TYW1: variants seen among roughly 807,000 people sequenced by gnomAD.
TYW1 encodes the protein tRNA-yW synthesizing protein 1 homolog, also known as S-adenosyl-L-methionine-dependent tRNA 4-demethylwyosine synthase TYW1.
TYW1 carries 46 observed loss-of-function variants against 96.2 expected under a neutral mutation model. The observed-to-expected ratio is 0.48, with a 90% CI of 0.38 to 0.61. The LOEUF is 0.61. Among genes scored for constraint, TYW1 ranks in the 20% least tolerant of loss-of-function variants. TYW1 has a pLI of 0.00. For synonymous variants in TYW1, 274 were observed against 323.0 expected, an observed-to-expected ratio of 0.85 and a Z score of 1.63; for missense variants, 684 against 909.6, an observed-to-expected ratio of 0.75 and a Z score of 3.19.
At chr7:67,203,805 C>T (rs1800677107) in intron 15 of TYW1, among the ~76,000 whole-genome samples, 1 of 152,154 alleles carries the variant, frequency 6.6e-6, no homozygotes, top group South Asian at 2.1e-4. Context: ...TAGCAATTCT[C>T]TTAGAGCCAG....
intron 15 of TYW1, among the ~76,000 whole-genome samples, chr7:67,200,278 GT>G (rs1434299699): frequency 6.6e-6 from 1 of 152,016 alleles, no homozygotes; most frequent in Non-Finnish European, 1.5e-5. Flanking sequence ...ACAAAGATGA[GT>G]AAACAATGGT....
chr7:67,138,442 A>C (rs1268316187), intron 13 of TYW1, among the ~76,000 whole-genome samples: 4 of 152,154 alleles, frequency 2.6e-5, no homozygotes, highest in African/African-American at 9.7e-5. Flanking sequence ...TGTGGTATCT[A>C]TCCCCTCCAG....
chr7:67,211,898 TCATA>T (rs1399896069), intron 15 of TYW1, among the ~76,000 whole-genome samples: 1 of 152,234 alleles, frequency 6.6e-6, no homozygotes, highest in Non-Finnish European at 1.5e-5. Context: ...CGAGATTATT[TCATA>T]CATTTGTAAT....
At chr7:67,195,046 C>G in intron 14 of TYW1, 124 bp from the exon 15 acceptor site, 1 of 1,094,872 alleles carries the variant, frequency 9.1e-7, no homozygotes, top group Admixed American at 2.7e-5. Flanking sequence ...TCACTTCCTT[C>G]ACTGTAAAAT....
chr7:67,123,607 G>C (rs1164984054), intron 13 of TYW1, among the ~76,000 whole-genome samples: 2 of 124,790 alleles, frequency 1.6e-5, no homozygotes, highest in Non-Finnish European at 3.6e-5. Context: ...GTGTAGATCT[G>C]AAAGTCATCT....
At chr7:67,088,547 G>C (rs974351270) in intron 11 of TYW1, among the ~76,000 whole-genome samples, 3 of 152,126 alleles carry the variant, frequency 2.0e-5, no homozygotes, top group East Asian at 3.9e-4. Flanking sequence ...CTGTTCTCTT[G>C]GCAGCAAGTA....
chr7:67,227,588 G>A (rs4718490), intron 15 of TYW1, among the ~76,000 whole-genome samples: 39,411 of 150,142 alleles, frequency 0.26, 5,486 homozygotes, highest in African/African-American at 0.35. Flanking sequence ...CAACCAAATG[G>A]TTTCATATAG....
At chr7:67,061,338 C>T (rs546384626) in intron 9 of TYW1, among the ~76,000 whole-genome samples, 3 of 152,272 alleles carry the variant, frequency 2.0e-5, no homozygotes, top group African/African-American at 7.2e-5. Flanking sequence ...CCAGTCTACA[C>T]GTAGATAACA....
chr7:67,077,837 T>C (rs1480555096), intron 10 of TYW1, among the ~76,000 whole-genome samples: 1 of 152,236 alleles, frequency 6.6e-6, no homozygotes, highest in African/African-American at 2.4e-5. Flanking sequence ...TCCTAAAGTG[T>C]TTCCTCTGTG....
intron 8 of TYW1, among the ~76,000 whole-genome samples, chr7:67,050,509 C>T (rs533568389): frequency 9.2e-5 from 14 of 152,062 alleles, no homozygotes; most frequent in African/African-American, 2.2e-4. Flanking sequence ...ATCAGTAGAC[C>T]GACCTCCTTT....
chr7:67,094,375 G>A (rs1420480352), intron 11 of TYW1, among the ~76,000 whole-genome samples: 1 of 151,930 alleles, frequency 6.6e-6, no homozygotes, highest in East Asian at 1.9e-4. Context: ...CCCGGTAATG[G>A]GTTGCTAGGT....
chr7:67,008,562 G>T lies in TYW1; in HGVS notation c.274-1021G>T, dbSNP rs543834275. Among the ~76,000 whole-genome samples the T allele has an allele frequency of 7.2e-5, 11 of 152,220 alleles. No homozygotes were observed. In the East Asian group the frequency reaches 2.1e-3, roughly 29 times the overall value. On this transcript the variant is annotated intron_variant, in intron 3 of 15. Coordinates refer to ENST00000359626, the MANE Select transcript of TYW1 (RefSeq NM_018264.4). ...TGCTCCCAGCCTAGAGCTTCTCTGGGGTTCTGTTAGCCCTGTGAACTCTTC... is the reference window on the plus strand; with the variant it reads ...TGCTCCCAGCCTAGAGCTTCTCTGGTGTTCTGTTAGCCCTGTGAACTCTTC...
At chr7:67,111,774 C>T (rs1797414134) in intron 12 of TYW1, among the ~76,000 whole-genome samples, 1 of 152,098 alleles carries the variant, frequency 6.6e-6, no homozygotes, top group Non-Finnish European at 1.5e-5. Context: ...AGAGAAATCA[C>T]AAAGTACATT....
intron 14 of TYW1, among the ~76,000 whole-genome samples, chr7:67,194,781 A>C (rs568885807): frequency 1.3e-5 from 2 of 149,076 alleles, no homozygotes; most frequent in East Asian, 3.9e-4. Context: ...AGTGTCCACT[A>C]TGCCCCCATT....
At chr7:67,077,823 A>G (rs1027861656) in intron 10 of TYW1, among the ~76,000 whole-genome samples, 2 of 152,212 alleles carry the variant, frequency 1.3e-5, no homozygotes, top group African/African-American at 4.8e-5. Context: ...TGCCCAGACC[A>G]GTGTCCTAAA....
At chr7:67,033,183 C>T (rs1794726811) in intron 7 of TYW1, among the ~76,000 whole-genome samples, 1 of 152,048 alleles carries the variant, frequency 6.6e-6, no homozygotes, top group Non-Finnish European at 1.5e-5. Context: ...AGGCATGAGC[C>T]ACTGCACCTG....
chr7:67,192,173 G>A (rs545220846), intron 14 of TYW1, among the ~76,000 whole-genome samples: 3 of 152,238 alleles, frequency 2.0e-5, no homozygotes. Flanking sequence ...TGGGATTACA[G>A]GCATGAGCCA....
chr7:67,172,403 T>G (rs558128880), intron 13 of TYW1, among the ~76,000 whole-genome samples: 78 of 151,048 alleles, frequency 5.2e-4, no homozygotes, highest in African/African-American at 1.1e-3. Flanking sequence ...TTTGCATATT[T>G]TTTGAACCCC....
intron 13 of TYW1, among the ~76,000 whole-genome samples, chr7:67,146,542 C>T (rs1798616368): frequency 1.3e-5 from 2 of 151,744 alleles, no homozygotes; most frequent in South Asian, 2.1e-4. Context: ...GTAAACAAAG[C>T]CCAACCACTT....
Sources: gnomAD v4.1 joint callset for allele counts (sites outside exome capture counted in the v4.1 genomes callset) on GRCh38, gnomAD v4.1.1 for gene constraint, MANE v1.5 for transcripts, NCBI Gene and HGNC (gene_info 2026-07-23, HGNC 2026-07-21) for gene names.